The following DHX36 variants were observed in gnomAD, a reference collection of about 807,000 sequenced individuals.
The protein encoded by DHX36 is DEAH-box helicase 36.
A neutral mutation model predicts 139.0 loss-of-function variants in DHX36; 50 were observed. The observed-to-expected ratio is 0.36, with a 90% CI of 0.29 to 0.46. The LOEUF is 0.46. Ranked by LOEUF, DHX36 falls within the 20% of genes least tolerant of loss-of-function variation. DHX36 has a pLI of 1.00. For missense variants in DHX36, 1,024 were observed against 1,211.3 expected (o/e 0.85, Z 2.29); for synonymous variants, 425 against 401.9 (o/e 1.06, Z -0.69).
chr3:154,306,592 T>A (rs1191622887), intron 5 of DHX36, among the ~76,000 whole-genome samples: 2 of 152,316 alleles, frequency 1.3e-5, no homozygotes, highest in East Asian at 1.9e-4. Context: ...CTAAGAGTTG[T>A]AAATCAAGAT....
At chr3:154,309,307 AAAAG>A (rs2108359209) in intron 5 of DHX36, among the ~76,000 whole-genome samples, 1 of 152,314 alleles carries the variant, frequency 6.6e-6, no homozygotes, top group African/African-American at 2.4e-5. Context: ...AAGTAAAAAA[AAAAG>A]TTAAATAAAC....
In DHX36 at chr3:154,277,850, A is replaced by G. The variant is rs1719200946; in HGVS notation, c.2568-132T>C. ...AAATCCCGGAATCTAAAAAAATTCC[A>G]GAGAATAATTCAGTTTATTTTTGCA... On this transcript the variant is annotated intron_variant, in intron 22 of 24. Transcript: ENST00000496811. 8 of 847,262 alleles carry G rather than the reference A, an allele frequency of 9.4e-6. 1 individual carries two copies. The highest frequency in any genetic ancestry group is 1.2e-5 in the Non-Finnish European group (7 of 590,992). The allele number at this position is 847,262 out of a possible 1,614,324, so 52.5% of individuals were successfully genotyped here.
At chr3:154,317,008 A>G (rs907459772) in intron 1 of DHX36, among the ~76,000 whole-genome samples, 1 of 152,080 alleles carries the variant, frequency 6.6e-6, no homozygotes, top group Admixed American at 6.6e-5. Context: ...AAAGAACCAA[A>G]GGAGGAGGAA....
At chr3:154,288,670 G>A (rs371121812) in intron 17 of DHX36, among the ~76,000 whole-genome samples, 196 bp downstream of exon 17, 1 of 151,972 alleles carries the variant, frequency 6.6e-6, no homozygotes, top group East Asian at 1.9e-4. Flanking sequence ...GAATTATTAC[G>A]AAGATATCAC....
intron 19 of DHX36, among the ~76,000 whole-genome samples, chr3:154,283,506 G>C (rs530426474): frequency 2.0e-5 from 3 of 152,076 alleles, no homozygotes; most frequent in African/African-American, 7.2e-5. Context: ...TAAGTATATA[G>C]TAATATATTA....
chr3:154,293,526 G>C (rs559966059), intron 14 of DHX36, among the ~76,000 whole-genome samples: 15 of 152,274 alleles, frequency 9.9e-5, no homozygotes, highest in African/African-American at 3.6e-4. Context: ...AGGCTGCAGT[G>C]AGCCATGATC....
chr3:154,284,491 G>A (rs927036849), intron 19 of DHX36, 92 bp downstream of exon 19: 4 of 1,182,638 alleles, frequency 3.4e-6, no homozygotes, highest in Non-Finnish European at 4.7e-6. Flanking sequence ...TTATAACAGA[G>A]ATTTCAAAAG....
At chr3:154,302,773 A>C (rs1271291567) in intron 9 of DHX36, among the ~76,000 whole-genome samples, 1 of 152,158 alleles carries the variant, frequency 6.6e-6, no homozygotes, top group African/African-American at 2.4e-5. Flanking sequence ...GCTGCCCAGG[A>C]ATCTTCAAAA....
chr3:154,298,764 A>G (rs899290062), intron 12 of DHX36, among the ~76,000 whole-genome samples: 1 of 151,404 alleles, frequency 6.6e-6, no homozygotes, highest in Non-Finnish European at 1.5e-5. Flanking sequence ...AAATACAAAA[A>G]ATTAGGCGGG....
At chr3:154,315,989 T>C in intron 2 of DHX36, 50 bp downstream of exon 2, 1 of 1,557,812 alleles carries the variant, frequency 6.4e-7, no homozygotes, top group South Asian at 1.2e-5. Flanking sequence ...ATTTTTATTA[T>C]TAAAGTGTTA....
intron 12 of DHX36, among the ~76,000 whole-genome samples, chr3:154,297,868 G>C (rs1173343748): frequency 6.6e-6 from 1 of 152,038 alleles, no homozygotes; most frequent in Non-Finnish European, 1.5e-5. Flanking sequence ...ACAACTAAGA[G>C]AGTTAATGAG....
chr3:154,277,040 A>C, intron 23 of DHX36, 141 bp from the exon 24 acceptor site: 1 of 733,282 alleles, frequency 1.4e-6, no homozygotes, highest in Non-Finnish European at 2.1e-6. Flanking sequence ...AGAGATTTGT[A>C]AGAAATACCA....
At position 154,300,599 on chromosome 3, in the gene DHX36, C is replaced by T; in HGVS notation, c.1456G>A (p.Glu486Lys). 6.2e-7 allele frequency: 1 copy of T among 1,611,358 alleles called. No homozygotes were observed. Among genetic ancestry groups the T allele is most frequent in the African/African-American group, 1.3e-5 (1 of 74,926 alleles). Residue 486 changes from glutamate (E) to lysine (K), a missense_variant, in exon 11 of 25, where the codon GAA (glutamate) becomes AAA (lysine). This residue lies in a region of DHX36 where 115 missense variants were observed against 105.6 expected (regional missense o/e 1.09). Transcript: ENST00000496811. ...GAAAGAAAAATAAAACTAACCTCTT[C>T]TTCCAAAACAATGTATCGGATGAGG... ...VALIRYIVLE[E>K]EDGAILVFLP...
At chr3:154,277,308 A>C (rs1335505887) in intron 23 of DHX36, among the ~76,000 whole-genome samples, 1 of 152,200 alleles carries the variant, frequency 6.6e-6, no homozygotes, top group Non-Finnish European at 1.5e-5. Flanking sequence ...CTTTCTATAC[A>C]ATGTAAACTC....
chr3:154,323,228 G>A (rs924047042), intron 1 of DHX36, among the ~76,000 whole-genome samples: 18 of 152,078 alleles, frequency 1.2e-4, no homozygotes, highest in Non-Finnish European at 2.1e-4. Context: ...CCAGCTACTC[G>A]GGAGGCTGAA....
chr3:154,309,870 GAAA>G, intron 4 of DHX36, 47 bp from the exon 5 acceptor site: 1 of 1,370,656 alleles, frequency 7.3e-7, no homozygotes, highest in Non-Finnish European at 9.9e-7. Flanking sequence ...GACTAAGTCT[GAAA>G]AAAGATATTA....
chr3:154,299,550 ACT>A (rs2108350642), intron 12 of DHX36, among the ~76,000 whole-genome samples: 1 of 152,064 alleles, frequency 6.6e-6, no homozygotes, highest in Non-Finnish European at 1.5e-5. Flanking sequence ...TCCATGGGTG[ACT>A]CTGTTGTATA....
chr3:154,319,459 A>T (rs1324480298), intron 1 of DHX36, among the ~76,000 whole-genome samples: 1 of 152,158 alleles, frequency 6.6e-6, no homozygotes, highest in Non-Finnish European at 1.5e-5. Flanking sequence ...AAGCCCTAAG[A>T]AAAGGTCCTC....
At chr3:154,321,666 C>T (rs1277527435) in intron 1 of DHX36, among the ~76,000 whole-genome samples, 6 of 152,120 alleles carry the variant, frequency 3.9e-5, no homozygotes, top group Non-Finnish European at 8.8e-5. Flanking sequence ...CATTAGAATG[C>T]ATTCATTTTC....
Sources: allele counts gnomAD v4.1 joint callset (sites outside exome capture counted in the v4.1 genomes callset), GRCh38; gene constraint gnomAD v4.1.1; regional missense constraint gnomAD v4.1.1; transcripts MANE v1.5; gene names NCBI Gene and HGNC (gene_info 2026-07-23, HGNC 2026-07-21).